The following FAM53A variants were observed in gnomAD, a reference collection of about 807,000 sequenced individuals.
FAM53A encodes the protein protein FAM53A.
A neutral mutation model predicts 26.6 loss-of-function variants in FAM53A; 28 were observed. The observed-to-expected ratio is 1.05, with a 90% CI of 0.78 to 1.45. The LOEUF is 1.45. Among genes scored for constraint, FAM53A ranks in the 40% most tolerant of loss-of-function variants. The pLI is 0.00. For missense variants in FAM53A, 650 were observed against 575.8 expected, an observed-to-expected ratio of 1.13 and a Z score of -1.32; for synonymous variants, 290 against 253.1, an observed-to-expected ratio of 1.15 and a Z score of -1.38.
At chr4:1,654,309 C>T (rs1021738027) in intron 4 of FAM53A, among the ~76,000 whole-genome samples, 14 of 152,250 alleles carry the variant, frequency 9.2e-5, no homozygotes, top group Admixed American at 5.9e-4. Context: ...GAATGCACTC[C>T]CTTAGTAACA....
intron 1 of FAM53A, among the ~76,000 whole-genome samples, chr4:1,676,360 C>A (rs1451749289): frequency 1.3e-5 from 2 of 152,174 alleles, no homozygotes; most frequent in South Asian, 4.1e-4. Context: ...TGGGGCAGGA[C>A]CCACCATGCT....
At chr4:1,660,409 C>A (rs1037989098) in intron 2 of FAM53A, among the ~76,000 whole-genome samples, 3 of 151,770 alleles carry the variant, frequency 2.0e-5, no homozygotes, top group Admixed American at 2.0e-4. Context: ...ACAGCCTGGG[C>A]AACACAGGGA....
the FAM53A span, among the ~76,000 whole-genome samples, chr4:1,576,219 G>A: frequency 1.3e-4 from 20 of 152,206 alleles, no homozygotes; most frequent in Admixed American, 2.0e-4. Context: ...TATCTATCAC[G>A]CGGCTGCCTT....
intron 1 of FAM53A, among the ~76,000 whole-genome samples, chr4:1,674,260 C>T (rs989196653): frequency 6.6e-6 from 1 of 152,178 alleles, no homozygotes; most frequent in African/African-American, 2.4e-5. Flanking sequence ...TGTCACCATG[C>T]GGCCTTCTCC....
At chr4:1,574,986 G>A in the FAM53A span, among the ~76,000 whole-genome samples, 44 of 152,366 alleles carry the variant, frequency 2.9e-4, no homozygotes, top group African/African-American at 1.1e-3. Context: ...CTTCACAGAA[G>A]GTGGCCACAG....
intron 3 of FAM53A, among the ~76,000 whole-genome samples, chr4:1,656,524 G>T (rs1005175610): frequency 2.0e-5 from 3 of 152,104 alleles, no homozygotes; most frequent in African/African-American, 7.2e-5. Flanking sequence ...GAGACGTGGA[G>T]GTGTAGGCAG....
chr4:1,629,759 G>C (rs1297686370), intron 1 of FAM53A, among the ~76,000 whole-genome samples: 1 of 152,204 alleles, frequency 6.6e-6, no homozygotes, highest in Non-Finnish European at 1.5e-5. Flanking sequence ...GAGGCAGGAG[G>C]ATCGTTTGAG....
chr4:1,652,023 C>CCATA (rs1712843911), intron 4 of FAM53A, among the ~76,000 whole-genome samples: 1 of 65,076 alleles, frequency 1.5e-5, no homozygotes, highest in African/African-American at 4.8e-5. Flanking sequence ...CACACACACA[C>CCATA]CACACACGCC....
intron 1 of FAM53A, among the ~76,000 whole-genome samples, chr4:1,627,682 C>A (rs974565298): frequency 3.3e-5 from 5 of 152,198 alleles, no homozygotes; most frequent in African/African-American, 1.2e-4. Context: ...GCAGCTGAGG[C>A]CTGCAGGGGA....
intron 1 of FAM53A, among the ~76,000 whole-genome samples, chr4:1,672,058 C>A (rs1342804552): frequency 6.6e-5 from 10 of 151,800 alleles, no homozygotes; most frequent in Non-Finnish European, 1.0e-4. Context: ...AACCCAGGAA[C>A]CCATGGACCC....
At chr4:1,577,919 G>A in the FAM53A span, among the ~76,000 whole-genome samples, 1 of 151,976 alleles carries the variant, frequency 6.6e-6, no homozygotes, top group East Asian at 1.9e-4. Context: ...GGGGCTGCAG[G>A]TGAGGGGCTG....
chr4:1,631,196 C>T (rs916831435), intron 1 of FAM53A, among the ~76,000 whole-genome samples: 5 of 152,132 alleles, frequency 3.3e-5, no homozygotes, highest in East Asian at 1.9e-4. Flanking sequence ...CGACTTGGAG[C>T]GGGGCTGAGG....
chr4:1,655,578 G>A lies in FAM53A; in HGVS notation c.282C>T (p.Gly94=), dbSNP rs570788887. Reference sequence around the variant, plus strand: ...CGGTGCTGGCTGCACCCAGGCCTGCGCCTGGGCGCGGGGACTGTGGCTGCC... The same window carrying A: ...CGGTGCTGGCTGCACCCAGGCCTGCACCTGGGCGCGGGGACTGTGGCTGCC... ...LQWQPQSPRP[G]AGLGAASTVD... is the part of the protein sequence containing the mutation. The change falls in exon 4 of 5, where the codon GGC becomes GGT. Residue 94 remains glycine (G), a synonymous_variant. Coordinates refer to ENST00000308132, the MANE Select transcript of FAM53A (RefSeq NM_001174070.3). The A allele has an allele frequency of 1.1e-5, 18 of 1,581,736 alleles. No individual in the cohort carries two copies. The highest frequency in any genetic ancestry group is 1.7e-4 in the Middle Eastern group (1 of 5,932).
intron 1 of FAM53A, among the ~76,000 whole-genome samples, chr4:1,626,895 G>C (rs1300635208): frequency 1.3e-5 from 2 of 152,176 alleles, no homozygotes; most frequent in East Asian, 1.9e-4. Flanking sequence ...TCTGTGGCCT[G>C]TATGTGGGGA....
intron 1 of FAM53A, among the ~76,000 whole-genome samples, chr4:1,623,779 A>G (rs1302625485): frequency 6.6e-6 from 1 of 152,218 alleles, no homozygotes; most frequent in Non-Finnish European, 1.5e-5. Context: ...CAGGGCTGCT[A>G]ATGAAAATAT....
chr4:1,601,104 G>T, the FAM53A span, among the ~76,000 whole-genome samples: 1 of 152,144 alleles, frequency 6.6e-6, no homozygotes, highest in African/African-American at 2.4e-5. Flanking sequence ...AGCTGCCACA[G>T]TGGAGGTGGG....
chr4:1,653,284 G>A lies in FAM53A; in HGVS notation c.882+1694C>T, dbSNP rs374167763. Reference sequence around the variant, plus strand: ...CTCTACCCACACCTCACACTCTACCGGGGGTACCCCATGTCCACACTGAGC... The same window carrying A: ...CTCTACCCACACCTCACACTCTACCAGGGGTACCCCATGTCCACACTGAGC... On this transcript the variant is annotated intron_variant, in intron 4 of 4. Transcript: ENST00000308132. Among the ~76,000 whole-genome samples the A allele has an allele frequency of 1.1e-4, 16 of 152,194 alleles. No homozygotes were observed. In the East Asian group the frequency reaches 1.5e-3, roughly 15 times the overall value.
intron 2 of FAM53A, among the ~76,000 whole-genome samples, chr4:1,665,927 C>T (rs1000909001): frequency 1.3e-5 from 2 of 150,394 alleles, no homozygotes; most frequent in Non-Finnish European, 3.0e-5. Context: ...GCACCTGCAC[C>T]CCCTGTATCT....
At chr4:1,597,439 G>A in the FAM53A span, among the ~76,000 whole-genome samples, 9 of 152,254 alleles carry the variant, frequency 5.9e-5, no homozygotes, top group South Asian at 1.9e-3. Flanking sequence ...GTTCTTCCTC[G>A]GGGCCAGGCA....
Sources: allele counts gnomAD v4.1 joint callset (sites outside exome capture counted in the v4.1 genomes callset), GRCh38; gene constraint gnomAD v4.1.1; transcripts MANE v1.5; gene names NCBI Gene and HGNC (gene_info 2026-07-23, HGNC 2026-07-21).